The following ABCC10 variants were observed in gnomAD, a reference collection of about 807,000 sequenced individuals.
ABCC10 encodes ATP-binding cassette sub-family C member 10.
Under a neutral mutation model 143.2 loss-of-function variants are expected in ABCC10, and 110 were observed. That is an observed-to-expected ratio of 0.77 (90% confidence interval 0.66 to 0.90). The LOEUF is 0.90. ABCC10 is among the 40% of genes least tolerant of loss of function. ABCC10 has a pLI of 0.00. For synonymous variants in ABCC10, 805 were observed against 846.7 expected (o/e 0.95, Z 0.85); for missense variants, 1,700 against 1,900.5 (o/e 0.89, Z 1.96).
In ABCC10 at chr6:43,432,145, T is replaced by C; in HGVS notation, c.165T>C (p.Ser55=). 6.2e-7 allele frequency: 1 copy of C among 1,613,796 alleles called. No homozygotes were observed. The highest frequency in any genetic ancestry group is 8.5e-7 in the Non-Finnish European group (1 of 1,179,852). ...LSACYLGTPR[S]PDYILPCSPG... ...TTGTCTTCCCCCTTGTCCCCAGGAG[T>C]CCAGATTACATCCTACCCTGCAGTC... The change falls in exon 3 of 22, where the codon AGT becomes AGC. Residue 55 remains serine (S), a synonymous_variant. Coordinates refer to ENST00000372530, the MANE Select transcript of ABCC10 (RefSeq NM_001198934.2).
Position 43,447,714 on chromosome 6 carries a change from G to A in ABCC10, c.3736G>A (p.Val1246Met), listed in dbSNP as rs764581144. ...CACCGGCTGGCTGACCCAGGGGGGCGTGGAGTTCCAGGACGTGGTGTTGGC... is the reference window on the plus strand; with the variant it reads ...CACCGGCTGGCTGACCCAGGGGGGCATGGAGTTCCAGGACGTGGTGTTGGC... Reference protein sequence around the residue: ...LGTGWLTQGGVEFQDVVLAYR... With the variant: ...LGTGWLTQGGMEFQDVVLAYR... The change falls in exon 18 of 22, where the codon GTG (valine) becomes ATG (methionine). Residue 1246 changes from valine to methionine, a missense_variant. Transcript: ENST00000372530. 7.6e-5 allele frequency: 122 copies of A among 1,613,984 alleles called. No homozygotes were observed. The South Asian group carries it at 1.0e-3, about 13-fold the overall frequency.
chr6:43,436,070 C>T (rs199526572), intron 5 of ABCC10, 68 bp from the exon 6 acceptor site: 36 of 1,609,976 alleles, frequency 2.2e-5, no homozygotes, highest in Non-Finnish European at 3.1e-5. Context: ...AAGTGAATTA[C>T]ATGATTTACC....
At chr6:43,446,988 C>G (rs550530271) in intron 16 of ABCC10, 18 of 718,816 alleles carry the variant, frequency 2.5e-5, no homozygotes, top group Non-Finnish European at 3.2e-5. Context: ...GCTGGGATTA[C>G]AGGCGCCTGC....
At chr6:43,450,558 C>G, downstream of ABCC10, 2 of 1,566,492 alleles carry the variant, frequency 1.3e-6, no homozygotes, top group Non-Finnish European at 1.7e-6. This position sits in a 1 kb window ranked among gnomAD's most constrained non-coding sequence, Gnocchi z 4.5. Flanking sequence ...TGTGGTCTTT[C>G]CAGGCTCAGG....
At chr6:43,442,289 A>G (rs892144052) in intron 9 of ABCC10, among the ~76,000 whole-genome samples, 2 of 152,100 alleles carry the variant, frequency 1.3e-5, no homozygotes, top group Non-Finnish European at 2.9e-5. Context: ...TACAAAAAAT[A>G]ATTTTAAAAA....
At position 43,439,574 on chromosome 6, in the gene ABCC10, C is replaced by T. The variant is rs1035352363; in HGVS notation, c.2127+779C>T. 3.3e-5 allele frequency among the ~76,000 whole-genome samples: 5 copies of T among 151,326 alleles called. No individual in the cohort carries two copies. The South Asian group carries it at 6.3e-4, about 19-fold the overall frequency. On this transcript the variant is annotated intron_variant, in intron 8 of 21. Transcript: ENST00000372530. ...TGAGCCACCACACCCAGCTAATTTT[C>T]GTTTTGTTTTGTTTTGTTTTGTGTT...
chr6:43,436,020 C>T (rs1781664595), intron 5 of ABCC10, 113 bp downstream of exon 5: 1 of 1,598,586 alleles, frequency 6.3e-7, no homozygotes, highest in Non-Finnish European at 8.6e-7. Context: ...GAATCCAAAA[C>T]AGACTCATTT....
chr6:43,433,148 C>T lies in ABCC10; in HGVS notation c.1168C>T (p.Arg390Trp), dbSNP rs528202255. 1.5e-5 allele frequency: 25 copies of T among 1,614,122 alleles called. No individual in the cohort carries two copies. In the African/African-American group the frequency reaches 1.9e-4, roughly 12 times the overall value. Residue 390 changes from arginine to tryptophan, a missense_variant, in exon 3 of 22, where the codon CGG becomes TGG. Physicochemically the swap from Arg to Trp is moderately radical, Grantham distance 101. Transcript: ENST00000372530. ...GAACCTACTAGGCACTGACTCTGAACGGCTGCTTAACTTTGCTGGGAGCTT... is the reference window on the plus strand; with the variant it reads ...GAACCTACTAGGCACTGACTCTGAATGGCTGCTTAACTTTGCTGGGAGCTT... ...ALNLLGTDSERLLNFAGSFHE... is the reference protein window; with the variant it reads ...ALNLLGTDSEWLLNFAGSFHE...
At position 43,447,842 on chromosome 6, in the gene ABCC10, C is replaced by T. The variant is rs1462676713; in HGVS notation, c.3864C>T (p.Ser1288=). The T allele has an allele frequency of 2.5e-6, 4 of 1,613,854 alleles. No individual in the cohort carries two copies. In the Admixed American group the frequency reaches 6.7e-5, roughly 27 times the overall value. The change falls in exon 18 of 22, where the codon TCC becomes TCT. Residue 1288 remains serine, a synonymous_variant. Transcript: ENST00000372530. ...GCCGCACAGGCTCCGGCAAGTCTTC[C>T]CTGTTGTTGGTGCTCTTCCGGCTGC... ...IVGRTGSGKS[S]LLLVLFRLLE... is the part of the protein sequence containing the mutation.
At position 43,433,367 on chromosome 6, in the gene ABCC10, G is replaced by C. The variant is rs9394952; in HGVS notation, c.1380+7G>C. 6.3e-7 allele frequency: 1 copy of C among 1,596,104 alleles called. No individual in the cohort carries two copies. Among genetic ancestry groups the C allele is most frequent in the South Asian group, 1.1e-5 (1 of 89,368 alleles). ...CAAGGATGCGCGGGTTAAGGTGAGC[G>C]GGTACTTGGGGTCCCTCAGCTATCT... On this transcript the variant is annotated splice_region_variant and intron_variant, in intron 3 of 21. Transcript: ENST00000372530.
Position 43,435,783 on chromosome 6 carries a change from C to G in ABCC10, c.1641C>G (p.Leu547=). 1 of 1,614,214 alleles carries G rather than the reference C, an allele frequency of 6.2e-7. No individual in the cohort carries two copies. Among genetic ancestry groups the G allele is most frequent in the Non-Finnish European group, 8.5e-7 (1 of 1,180,022 alleles). ...VFTALALVRM[L]ILPLNNFPWV... ...CGGCCCTGGCACTGGTGCGAATGCTCATTCTTCCTCTCAACAACTTCCCTT... is the reference window on the plus strand; with the variant it reads ...CGGCCCTGGCACTGGTGCGAATGCTGATTCTTCCTCTCAACAACTTCCCTT... Residue 547 remains leucine (L), a synonymous_variant, in exon 5 of 22, where the codon CTC becomes CTG. Coordinates refer to ENST00000372530, the MANE Select transcript of ABCC10 (RefSeq NM_001198934.2).
intron 2 of ABCC10, chr6:43,431,648 C>A: frequency 3.4e-6 from 1 of 298,122 alleles, no homozygotes; most frequent in Non-Finnish European, 5.0e-6. Context: ...AGGCGTGAGC[C>A]ACGGCGCCCA....
Position 43,446,260 on chromosome 6 carries a change from C to T in ABCC10, c.3375-17C>T. On this transcript the variant is annotated splice_polypyrimidine_tract_variant and intron_variant, in intron 15 of 21. Coordinates refer to ENST00000372530, the MANE Select transcript of ABCC10 (RefSeq NM_001198934.2). Reference sequence around the variant, plus strand: ...GGCAACAGTGGAGTGGCTTCACATCCCTCTGGCCTTCCCTAGGTTTGAGGA... The same window carrying T: ...GGCAACAGTGGAGTGGCTTCACATCTCTCTGGCCTTCCCTAGGTTTGAGGA... 6.2e-7 allele frequency: 1 copy of T among 1,608,930 alleles called. No individual in the cohort carries two copies. The highest frequency in any genetic ancestry group is 8.5e-7 in the Non-Finnish European group (1 of 1,176,908).
In ABCC10 at chr6:43,446,413, C is replaced by T. The variant is rs778500386; in HGVS notation, c.3511C>T (p.Leu1171=). 9 of 1,612,354 alleles carry T rather than the reference C, an allele frequency of 5.6e-6. No homozygotes were observed. In the South Asian group the frequency reaches 8.8e-5, roughly 16 times the overall value. Residue 1171 remains leucine, a synonymous_variant, in exon 16 of 22, where the codon CTG becomes TTG. Coordinates refer to ENST00000372530, the MANE Select transcript of ABCC10 (RefSeq NM_001198934.2). ...GGTCAGCGCTATCGCAGGCATCGCT[C>T]TGGTGCAGCACCAGCAGGGCCTCGC... ...AVVSAIAGIA[L]VQHQQGLANP...
intron 16 of ABCC10, chr6:43,447,013 A>C: frequency 3.0e-6 from 2 of 672,334 alleles, no homozygotes; most frequent in Non-Finnish European, 2.1e-6. Flanking sequence ...ACGCCCAGCT[A>C]ATTTTTGTAT....
At chr6:43,436,309 C>T in intron 6 of ABCC10, 62 bp downstream of exon 6, 1 of 1,566,866 alleles carries the variant, frequency 6.4e-7, no homozygotes, top group Admixed American at 1.7e-5. Context: ...GAACTCATGT[C>T]AGAGAAGCAG....
rs370839293 is a variant in ABCC10, at chr6:43,447,786, G to A, written c.3808G>A (p.Val1270Met). 2.1e-5 allele frequency: 34 copies of A among 1,613,632 alleles called. No homozygotes were observed. Among genetic ancestry groups the A allele is most frequent in the South Asian group, 9.9e-5 (9 of 91,090 alleles). Residue 1270 changes from valine to methionine, a missense_variant, in exon 18 of 22, where the codon GTG becomes ATG. Coordinates refer to ENST00000372530, the MANE Select transcript of ABCC10 (RefSeq NM_001198934.2). The part of the protein sequence containing the change: ...PNALDGVTFC[V>M]QPGEKLGIVG... ...TGCCCTGGATGGAGTGACCTTCTGC[G>A]TGCAGCCTGGAGAGAAGTTGGGCAT...
chr6:43,432,365 C>T lies in ABCC10; in HGVS notation c.385C>T (p.His129Tyr). ...GGTGTTGGCACATTCCCCTCATGGC[C>T]ACTCCCGGGGTCCCTTGGCCTTGGC... ...LWVLAHSPHG[H>Y]SRGPLALALV... is the part of the protein sequence containing the mutation. The change falls in exon 3 of 22, where the codon CAC becomes TAC. Residue 129 changes from histidine (H) to tyrosine (Y), a missense_variant. His to Tyr is a moderately conservative substitution (Grantham distance 83). Coordinates refer to ENST00000372530, the MANE Select transcript of ABCC10 (RefSeq NM_001198934.2). The T allele has an allele frequency of 6.2e-7, 1 of 1,613,486 alleles. No individual in the cohort carries two copies. The highest frequency in any genetic ancestry group is 8.5e-7 in the Non-Finnish European group (1 of 1,180,028).
chr6:43,431,995 G>T lies in ABCC10; in HGVS notation c.162-147G>T, dbSNP rs990040918. 2.8e-5 allele frequency: 41 copies of T among 1,441,146 alleles called. No homozygotes were observed. In the East Asian group the frequency reaches 1.0e-3, roughly 36 times the overall value. 89.3% of individuals were successfully genotyped at this position (1,441,146 alleles called of 1,614,324 possible). ...AGACTTCCTGGGAGAAAAGACCCTG[G>T]GTTCTGAGGTAAAGTGGAGTAGGGA... On this transcript the variant is annotated intron_variant, in intron 2 of 21. Transcript: ENST00000372530.
Sources: allele counts gnomAD v4.1 joint callset (sites outside exome capture counted in the v4.1 genomes callset), GRCh38; gene constraint gnomAD v4.1.1; non-coding constraint Gnocchi (gnomAD v3.1); transcripts MANE v1.5; gene names NCBI Gene and HGNC (gene_info 2026-07-23, HGNC 2026-07-21).